Variants in PNKD observed in about 807,000 individuals in gnomAD.
PNKD encodes probable thioesterase PNKD.
PNKD carries 36 observed loss-of-function variants against 45.3 expected under a neutral mutation model. The ratio of observed to expected loss-of-function variants is 0.80; its 90% confidence interval spans 0.61 to 1.05. The LOEUF (loss-of-function observed/expected upper bound fraction) is 1.05, where lower values mean the gene tolerates loss of function less well. Among genes scored for constraint, PNKD ranks in the 50% least tolerant of loss-of-function variants. PNKD has a pLI of 0.00. For missense variants in PNKD, 511 were observed against 506.6 expected (o/e 1.01, Z -0.08); for synonymous variants, 197 against 210.1 (o/e 0.94, Z 0.54).
chr2:218,277,788 G>T (rs1691388158), intron 2 of PNKD: 2 of 1,546,424 alleles, frequency 1.3e-6, no homozygotes, highest in East Asian at 4.5e-5. Flanking sequence ...TTGGAAAGAG[G>T]CAGCCACAGA....
chr2:218,276,174 G>C, intron 2 of PNKD: 3 of 1,357,740 alleles, frequency 2.2e-6, no homozygotes, highest in Non-Finnish European at 3.1e-6. Flanking sequence ...CATGAGAGTG[G>C]GTAGAGCTGG....
Position 218,340,040 on chromosome 2 carries a change from C to T in PNKD, c.364C>T (p.Leu122Phe). The T allele has an allele frequency of 6.2e-7, 1 of 1,611,240 alleles. No individual in the cohort carries two copies. Among genetic ancestry groups the T allele is most frequent in the Non-Finnish European group, 8.5e-7 (1 of 1,177,376 alleles). ...ATCTCTGTCCCCAGGAGTGAAGGTG[C>T]TTCCCATCCCTGTCCTCTCGGACAA... ...QPRLFNGVKV[L>F]PIPVLSDNYS... is the part of the protein sequence containing the mutation. Residue 122 changes from leucine to phenylalanine, a missense_variant, in exon 4 of 10, where the codon CTT (leucine) becomes TTT (phenylalanine). Physicochemically the swap from Leu to Phe is conservative, Grantham distance 22. Transcript: ENST00000273077. The surrounding 1 kb of genome is among the most constrained non-coding windows in gnomAD (Gnocchi z 4.2).
intron 9 of PNKD, 112 bp from the exon 10 acceptor site, chr2:218,344,696 C>T: frequency 7.1e-7 from 1 of 1,412,580 alleles, no homozygotes; most frequent in Non-Finnish European, 1.0e-6. Flanking sequence ...CCCATGGGCC[C>T]TCAAGTCAGA....
chr2:218,314,569 A>T (rs1693718394), intron 2 of PNKD, among the ~76,000 whole-genome samples: 1 of 151,906 alleles, frequency 6.6e-6, no homozygotes. Context: ...TTGAGTTTTC[A>T]CATTTTTTCA....
At chr2:218,336,886 G>A (rs765314943) in intron 2 of PNKD, among the ~76,000 whole-genome samples, 2 of 120,378 alleles carry the variant, frequency 1.7e-5, no homozygotes, top group East Asian at 2.9e-4. Context: ...CGCAACCTCC[G>A]CCTCCCAGGT....
Position 218,315,057 on chromosome 2 carries a change from T to TCTTTCTTTCTTCCTTCCTTC in PNKD, c.237-24723_237-24722insTCTTTCTTCCTTCCTTCCTT, listed in dbSNP as rs61429059. ...CTTTCTTTTTCTTTCTTTCTTTCTT[T>TCTTTCTTTCTTCCTTCCTTC]CTTCCTTCCTTCCTTCCTTTCTTTC... On this transcript the variant is annotated intron_variant, in intron 2 of 9. Transcript: ENST00000273077. Among the ~76,000 whole-genome samples, 108 of 55,614 alleles carry TCTTTCTTTCTTCCTTCCTTC rather than the reference T, an allele frequency of 1.9e-3. 12 individuals are homozygous for TCTTTCTTTCTTCCTTCCTTC. Among genetic ancestry groups the TCTTTCTTTCTTCCTTCCTTC allele is most frequent in the Middle Eastern group, 0.02 (2 of 102 alleles). 36.5% of individuals were successfully genotyped at this position (55,614 alleles called of 152,430 possible). A position where few individuals can be genotyped will look rare whatever the true frequency, so the allele number is the denominator to read the frequency against.
intron 2 of PNKD, chr2:218,277,769 G>A (rs2168704): frequency 0.55 from 855,981 of 1,558,060 alleles, 241,150 homozygotes; most frequent in South Asian, 0.64. Context: ...GCTGGGGAAC[G>A]CCACCAAGTT....
chr2:218,342,209 A>T, intron 7 of PNKD, 65 bp downstream of exon 7: 6 of 1,341,682 alleles, frequency 4.5e-6, no homozygotes, highest in Non-Finnish European at 6.3e-6. Context: ...GGGCAGCCAC[A>T]GTCCCATGGA....
intron 3 of PNKD, 63 bp from the exon 4 acceptor site, chr2:218,339,966 C>T: frequency 1.4e-6 from 2 of 1,405,260 alleles, no homozygotes; most frequent in South Asian, 2.3e-5. Flanking sequence ...TGCTCCCCTT[C>T]ACATACCCCA....
intron 2 of PNKD, chr2:218,323,476 C>T (rs1179501111): frequency 2.3e-6 from 3 of 1,289,938 alleles, no homozygotes; most frequent in Non-Finnish European, 2.0e-6. Flanking sequence ...GAGGCGGGCG[C>T]GCTGGGAGAG....
intron 2 of PNKD, among the ~76,000 whole-genome samples, chr2:218,315,120 C>CTTTCTTTCTTTCTTTCTTTCTTTCTTT (rs1553667879): frequency 6.4e-5 from 3 of 47,174 alleles, no homozygotes; most frequent in South Asian, 1.9e-3. Context: ...TTCCTTCCTT[C>CTTTCTTTCTTTCTTTCTTTCTTTCTTT]CTTTCTTTCT....
At position 218,343,545 on chromosome 2, in the gene PNKD, A is replaced by T. The variant is rs1278125696; in HGVS notation, c.827A>T (p.Asp276Val). ...GNAETMLSSL[D>V]TVLGLGDDTL... is the part of the protein sequence containing the mutation. ...GCAGAGACCATGCTGAGCTCACTGG[A>T]CACTGTGCTGGGGCTAGGGGATGAC... Residue 276 changes from aspartate (D) to valine (V), a missense_variant, in exon 8 of 10, where the codon GAC becomes GTC. Coordinates refer to ENST00000273077, the MANE Select transcript of PNKD (RefSeq NM_015488.5). 1 of 1,613,694 alleles carries T rather than the reference A, an allele frequency of 6.2e-7. No individual in the cohort carries two copies. Among genetic ancestry groups the T allele is most frequent in the South Asian group, 1.1e-5 (1 of 90,942 alleles).
chr2:218,273,078 A>G, intron 2 of PNKD: 1 of 597,100 alleles, frequency 1.7e-6, no homozygotes, highest in Non-Finnish European at 2.6e-6. Context: ...ACTTAAGTGC[A>G]ACCAGCCTAG....
chr2:218,303,879 C>CGCACTT (rs1693339623), intron 2 of PNKD, among the ~76,000 whole-genome samples: 1 of 151,520 alleles, frequency 6.6e-6, no homozygotes, highest in Non-Finnish European at 1.5e-5. Context: ...CGGCCAGACC[C>CGCACTT]GCACTTCTTT....
At chr2:218,279,653 A>T (rs1444985861) in intron 2 of PNKD, 1 of 488,472 alleles carries the variant, frequency 2.0e-6, no homozygotes, top group Non-Finnish European at 3.7e-6. Flanking sequence ...CTCAGTCTGC[A>T]CGCTCTATGC....
intron 2 of PNKD, among the ~76,000 whole-genome samples, chr2:218,306,399 C>T (rs1256468864): frequency 6.6e-6 from 1 of 152,150 alleles, no homozygotes; most frequent in Non-Finnish European, 1.5e-5. Context: ...TTTACTTGAG[C>T]ACCCACCAGG....
intron 2 of PNKD, among the ~76,000 whole-genome samples, chr2:218,329,713 C>T (rs1246255482): frequency 6.6e-6 from 1 of 152,250 alleles, no homozygotes; most frequent in South Asian, 2.1e-4. Context: ...GTCCCCACGC[C>T]CCCAGGCATG....
chr2:218,297,997 CAAA>C (rs60172979), intron 2 of PNKD, among the ~76,000 whole-genome samples: 2 of 130,222 alleles, frequency 1.5e-5, no homozygotes, highest in Admixed American at 7.9e-5. Flanking sequence ...GACTCCATCT[CAAA>C]AAAAAAAAAA....
At chr2:218,281,122 G>GTATTTTGTTTTTTT (rs1691901495) in intron 2 of PNKD, 1 of 11,040 alleles carries the variant, frequency 9.1e-5, no homozygotes, top group Non-Finnish European at 2.8e-4. Flanking sequence ...GTTTTGTTTT[G>GTATTTTGTTTTTTT]TTTTTTGTTT....
Sources: gnomAD v4.1 joint callset for allele counts (sites outside exome capture counted in the v4.1 genomes callset) on GRCh38, gnomAD v4.1.1 for gene constraint, Gnocchi (gnomAD v3.1) non-coding constraint, MANE v1.5 for transcripts, NCBI Gene and HGNC (gene_info 2026-07-23, HGNC 2026-07-21) for gene names.